The following ASIC2 variants were observed in gnomAD, a reference collection of about 807,000 sequenced individuals.
ASIC2 encodes the protein acid-sensing ion channel 2.
Under a neutral mutation model 57.3 loss-of-function variants are expected in ASIC2, and 25 were observed. The ratio of observed to expected loss-of-function variants is 0.44; its 90% CI spans 0.32 to 0.61. The LOEUF (loss-of-function observed/expected upper bound fraction) is 0.61, where lower values mean the gene tolerates loss of function less well. ASIC2 is among the 20% of genes least tolerant of loss of function. The pLI is 0.06. For missense variants in ASIC2, 641 were observed against 738.1 expected (o/e 0.87, Z 1.52); for synonymous variants, 319 against 307.5 (o/e 1.04, Z -0.39).
intron 1 of ASIC2, among the ~76,000 whole-genome samples, chr17:33,649,213 T>A (rs1906844394): frequency 1.3e-5 from 2 of 152,226 alleles, no homozygotes; most frequent in South Asian, 4.1e-4. Flanking sequence ...TCGGCAAGGT[T>A]GCAAGACAAG....
chr17:33,859,500 C>T (rs1914049724), intron 1 of ASIC2, among the ~76,000 whole-genome samples: 1 of 152,166 alleles, frequency 6.6e-6, no homozygotes, highest in East Asian at 1.9e-4. Flanking sequence ...GCAGCTTGTC[C>T]AGTATCACAC....
chr17:34,062,535 A>G (rs887908186), intron 1 of ASIC2, among the ~76,000 whole-genome samples: 3 of 152,158 alleles, frequency 2.0e-5, no homozygotes, highest in African/African-American at 7.2e-5. Flanking sequence ...GCAGAACTAA[A>G]TGAAATTGAA....
At chr17:33,993,299 T>C (rs1304001503) in intron 1 of ASIC2, among the ~76,000 whole-genome samples, 1 of 152,188 alleles carries the variant, frequency 6.6e-6, no homozygotes, top group African/African-American at 2.4e-5. Flanking sequence ...TTTTGGCACA[T>C]GTCCAGAATG....
intron 1 of ASIC2, among the ~76,000 whole-genome samples, chr17:34,098,587 C>G (rs1192629520): frequency 6.6e-6 from 1 of 152,158 alleles, no homozygotes; most frequent in Admixed American, 6.5e-5. Context: ...AATCCCCTAA[C>G]AAAATGTCAG....
At chr17:34,068,397 G>A (rs1909253865) in intron 1 of ASIC2, among the ~76,000 whole-genome samples, 1 of 152,200 alleles carries the variant, frequency 6.6e-6, no homozygotes, top group Non-Finnish European at 1.5e-5. Flanking sequence ...TTAGCAGGAG[G>A]AAGGGAGATG....
At chr17:33,200,734 TG>T (rs1027064246) in intron 1 of ASIC2, among the ~76,000 whole-genome samples, 1 of 152,182 alleles carries the variant, frequency 6.6e-6, no homozygotes, top group Non-Finnish European at 1.5e-5. Context: ...CTTCCACCCT[TG>T]CCCCCTGCAG....
chr17:33,866,671 A>G (rs1373574214), intron 1 of ASIC2, among the ~76,000 whole-genome samples: 1 of 152,154 alleles, frequency 6.6e-6, no homozygotes, highest in Non-Finnish European at 1.5e-5. Context: ...AACACACTCC[A>G]GGTACCAATC....
At chr17:34,074,814 C>G (rs1166880490) in intron 1 of ASIC2, among the ~76,000 whole-genome samples, 1 of 121,384 alleles carries the variant, frequency 8.2e-6, no homozygotes, top group African/African-American at 3.3e-5. Context: ...GAGACAGAGT[C>G]TCCCTCAGCC....
chr17:33,817,932 C>T (rs1292812164), intron 1 of ASIC2, among the ~76,000 whole-genome samples: 4 of 152,126 alleles, frequency 2.6e-5, no homozygotes, highest in Admixed American at 2.6e-4. Flanking sequence ...CTTTCTGCCT[C>T]AACATGGTCT....
intron 1 of ASIC2, among the ~76,000 whole-genome samples, chr17:33,242,195 T>C (rs1908531304): frequency 6.6e-6 from 1 of 151,682 alleles, no homozygotes; most frequent in Non-Finnish European, 1.5e-5. Context: ...TGGGCGCCTG[T>C]AGTCCCAGCT....
At chr17:33,922,355 T>C (rs1321386316) in intron 1 of ASIC2, among the ~76,000 whole-genome samples, 1 of 151,914 alleles carries the variant, frequency 6.6e-6, no homozygotes, top group Admixed American at 6.6e-5. Context: ...AACCAACTTA[T>C]TTCTACAAAC....
chr17:33,243,675 G>A (rs1303976558), intron 1 of ASIC2, among the ~76,000 whole-genome samples: 1 of 152,194 alleles, frequency 6.6e-6, no homozygotes, highest in Non-Finnish European at 1.5e-5. Context: ...CATCTTCTTT[G>A]AAGACGTGAA....
chr17:34,022,877 G>A (rs912678134), intron 1 of ASIC2, among the ~76,000 whole-genome samples: 3 of 152,146 alleles, frequency 2.0e-5, no homozygotes, highest in Non-Finnish European at 2.9e-5. Flanking sequence ...GTTGGAGGAG[G>A]GTCCTGGTGG....
intron 1 of ASIC2, chr17:33,792,321 C>G (rs1911797135): frequency 1.3e-5 from 2 of 152,176 alleles, no homozygotes. Context: ...GGACAATGAC[C>G]AGGCAAGGGT....
chr17:33,375,642 A>C (rs569675026), intron 1 of ASIC2, among the ~76,000 whole-genome samples: 57 of 152,202 alleles, frequency 3.7e-4, no homozygotes, highest in Non-Finnish European at 7.1e-4. Context: ...CAGACAGACC[A>C]GTTTGGAGGC....
At chr17:33,167,426 T>C (rs1472165556) in intron 1 of ASIC2, among the ~76,000 whole-genome samples, 1 of 152,144 alleles carries the variant, frequency 6.6e-6, no homozygotes, top group Non-Finnish European at 1.5e-5. Flanking sequence ...ACTAGTTGAG[T>C]TCCTTGTCAT....
intron 1 of ASIC2, among the ~76,000 whole-genome samples, chr17:33,451,055 A>G (rs976545717): frequency 9.5e-6 from 1 of 104,878 alleles, no homozygotes; most frequent in African/African-American, 3.2e-5. Flanking sequence ...AGAGGCGTAC[A>G]TGTACTTTTT....
chr17:33,211,679 A>G lies in ASIC2; in HGVS notation c.708+79729T>C, dbSNP rs565049592. Among the ~76,000 whole-genome samples the G allele has an allele frequency of 3.3e-5, 5 of 152,268 alleles. No individual in the cohort carries two copies. In the South Asian group the frequency reaches 1.0e-3, roughly 32 times the overall value. ...CTTATTCAGAATTCTCTCACCACAG[A>G]TCAGCAGTTTGCCTCCTCCATTACC... On this transcript the variant is annotated intron_variant, in intron 1 of 9. Transcript: ENST00000225823.
chr17:33,226,146 C>A (rs1019740376), intron 1 of ASIC2, among the ~76,000 whole-genome samples: 3 of 152,102 alleles, frequency 2.0e-5, no homozygotes, highest in Non-Finnish European at 4.4e-5. Flanking sequence ...TGGTTTCCAG[C>A]CTTAGAAATT....
Sources: allele counts gnomAD v4.1 joint callset (sites outside exome capture counted in the v4.1 genomes callset), GRCh38; gene constraint gnomAD v4.1.1; transcripts MANE v1.5; gene names NCBI Gene and HGNC (gene_info 2026-07-23, HGNC 2026-07-21).